The following FBXL17 variants were observed in gnomAD, a reference collection of about 807,000 sequenced individuals.
FBXL17 encodes F-box and leucine rich repeat protein 17.
A neutral mutation model predicts 66.2 loss-of-function variants in FBXL17; 22 were observed. That is an observed-to-expected ratio of 0.33 (90% confidence interval 0.24 to 0.47). The LOEUF (loss-of-function observed/expected upper bound fraction) is 0.47. Among genes scored for constraint, FBXL17 ranks in the 20% least tolerant of loss-of-function variants. FBXL17 has a pLI of 1.00. For missense variants in FBXL17, 878 were observed against 948.2 expected (o/e 0.93, Z 0.97); for synonymous variants, 474 against 400.5 (o/e 1.18, Z -2.19).
At chr5:108,225,471 G>GC (rs1459796777) in intron 4 of FBXL17, among the ~76,000 whole-genome samples, 1 of 152,108 alleles carries the variant, frequency 6.6e-6, no homozygotes, top group Non-Finnish European at 1.5e-5. Flanking sequence ...AATATAACTG[G>GC]CGGAGCAGAG....
intron 1 of FBXL17, among the ~76,000 whole-genome samples, chr5:108,377,418 T>C (rs1040055274): frequency 6.6e-6 from 1 of 152,244 alleles, no homozygotes; most frequent in Non-Finnish European, 1.5e-5. Context: ...GTTCAGTACA[T>C]TTTATCGACA....
chr5:108,234,941 G>A (rs988471437), intron 4 of FBXL17, among the ~76,000 whole-genome samples: 2 of 152,182 alleles, frequency 1.3e-5, no homozygotes, highest in Non-Finnish European at 2.9e-5. Flanking sequence ...ATAAAGAGAT[G>A]CAATGTAGTC....
intron 4 of FBXL17, among the ~76,000 whole-genome samples, chr5:108,327,506 T>C (rs1262948897): frequency 6.6e-6 from 1 of 152,122 alleles, no homozygotes; most frequent in Non-Finnish European, 1.5e-5. Flanking sequence ...TGAAGATTCA[T>C]GGCAAAGAAA....
At chr5:108,189,837 T>C (rs256537) in intron 5 of FBXL17, among the ~76,000 whole-genome samples, 5,284 of 152,248 alleles carry the variant, frequency 0.035, 106 homozygotes, top group Non-Finnish European at 0.046. Context: ...CTTCTGGGGA[T>C]TGGCCACTGG....
chr5:108,009,513 C>T (rs1358657905), intron 7 of FBXL17, among the ~76,000 whole-genome samples: 1 of 151,154 alleles, frequency 6.6e-6, no homozygotes, highest in East Asian at 2.0e-4. Flanking sequence ...CACAGAGGCA[C>T]GGAGGCTGGA....
At chr5:108,296,413 T>A (rs1426594564) in intron 4 of FBXL17, among the ~76,000 whole-genome samples, 1 of 151,922 alleles carries the variant, frequency 6.6e-6, no homozygotes, top group Admixed American at 6.6e-5. Context: ...CTTGTTTCTT[T>A]CGGCCTTATT....
At chr5:108,174,221 T>C (rs904994013) in intron 6 of FBXL17, among the ~76,000 whole-genome samples, 2 of 152,208 alleles carry the variant, frequency 1.3e-5, no homozygotes, top group South Asian at 4.1e-4. Context: ...TTATTTCTTA[T>C]GGAAATCTTA....
chr5:107,947,155 T>A (rs1174215195), intron 7 of FBXL17, among the ~76,000 whole-genome samples: 3 of 152,216 alleles, frequency 2.0e-5, no homozygotes, highest in African/African-American at 7.2e-5. Flanking sequence ...AAATGATGGC[T>A]GACAGATCCT....
chr5:108,053,027 C>T (rs975572932), intron 6 of FBXL17, among the ~76,000 whole-genome samples: 1 of 152,162 alleles, frequency 6.6e-6, no homozygotes, highest in Non-Finnish European at 1.5e-5. Flanking sequence ...CCCTTCCTTA[C>T]ACGTTACATA....
chr5:108,050,308 T>C (rs1432560514), intron 6 of FBXL17, among the ~76,000 whole-genome samples: 1 of 152,174 alleles, frequency 6.6e-6, no homozygotes, highest in Non-Finnish European at 1.5e-5. Context: ...CGACCACAAA[T>C]TGGAAGTAAA....
chr5:108,344,758 A>T (rs1747141661), intron 4 of FBXL17, among the ~76,000 whole-genome samples: 1 of 152,236 alleles, frequency 6.6e-6, no homozygotes, highest in East Asian at 1.9e-4. Flanking sequence ...CAGGAAATAT[A>T]CTTAACTGAG....
At position 108,033,919 on chromosome 5, in the gene FBXL17, A is replaced by C. The variant is rs180907904; in HGVS notation, c.1746-12918T>G. Among the ~76,000 whole-genome samples the C allele has an allele frequency of 7.2e-4, 109 of 152,344 alleles. 1 individual carries two copies. In the Middle Eastern group the frequency reaches 0.01, roughly 14 times the overall value. ...ACAAAAAGTAACTAGAAATTGGGTA[A>C]TATTTTTAAAGTAATTCATATACTT... On this transcript the variant is annotated intron_variant, in intron 6 of 8. Coordinates refer to ENST00000542267, the MANE Select transcript of FBXL17 (RefSeq NM_001163315.3).
chr5:108,025,878 T>C (rs1754802677), intron 6 of FBXL17, among the ~76,000 whole-genome samples: 1 of 152,128 alleles, frequency 6.6e-6, no homozygotes, highest in African/African-American at 2.4e-5. Context: ...ATTTAAATGA[T>C]AGCAGAGGTC....
intron 5 of FBXL17, among the ~76,000 whole-genome samples, chr5:108,194,098 A>G (rs1163992699): frequency 1.3e-5 from 2 of 152,142 alleles, no homozygotes; most frequent in African/African-American, 4.8e-5. Flanking sequence ...TTCTGCTGCA[A>G]AAAGGAATCC....
chr5:108,039,799 GTTTAA>G (rs1746979316), intron 6 of FBXL17, among the ~76,000 whole-genome samples: 1 of 151,970 alleles, frequency 6.6e-6, no homozygotes, highest in African/African-American at 2.4e-5. Flanking sequence ...TTTGTTATAG[GTTTAA>G]TTTAATATAG....
intron 7 of FBXL17, among the ~76,000 whole-genome samples, chr5:107,983,548 T>C (rs936466505): frequency 5.3e-5 from 8 of 151,630 alleles, no homozygotes; most frequent in Admixed American, 1.3e-4. Context: ...AAAAAAATAC[T>C]GAGATAGCAA....
Position 108,379,468 on chromosome 5 carries a change from C to T in FBXL17, c.993+1231G>A, listed in dbSNP as rs1031857737. The stretch of plus-strand genomic sequence containing the variant: ...TTGACACAAGGAAATGTAAGTTTTC[C>T]CACCCTCTTGCTGTATCACTCACAA... On this transcript the variant is annotated intron_variant, in intron 1 of 8. Coordinates refer to ENST00000542267, the MANE Select transcript of FBXL17 (RefSeq NM_001163315.3). Among the ~76,000 whole-genome samples, 3 of 151,258 alleles carry T rather than the reference C, an allele frequency of 2.0e-5. No homozygotes were observed. In the East Asian group the frequency reaches 5.8e-4, roughly 29 times the overall value.
chr5:108,357,022 C>T (rs1208033832), intron 3 of FBXL17, among the ~76,000 whole-genome samples: 1 of 151,962 alleles, frequency 6.6e-6, no homozygotes, highest in South Asian at 2.1e-4. Context: ...TCACAAAAAT[C>T]AGGCAGCAAA....
At chr5:108,233,036 T>C (rs1423677615) in intron 4 of FBXL17, among the ~76,000 whole-genome samples, 2 of 151,756 alleles carry the variant, frequency 1.3e-5, no homozygotes, top group Non-Finnish European at 2.9e-5. Flanking sequence ...CTTGAGTAAA[T>C]ATCTAGGAGT....
Sources: gnomAD v4.1 joint callset for allele counts (sites outside exome capture counted in the v4.1 genomes callset) on GRCh38, gnomAD v4.1.1 for gene constraint, MANE v1.5 for transcripts, NCBI Gene and HGNC (gene_info 2026-07-23, HGNC 2026-07-21) for gene names.